The following WWOX variants were observed in gnomAD, a reference collection of about 807,000 sequenced individuals.
The protein encoded by WWOX is WW domain-containing oxidoreductase.
Under a neutral mutation model 46.2 loss-of-function variants are expected in WWOX, and 69 were observed. That is an observed-to-expected ratio of 1.49 (90% confidence interval 1.23 to 1.82). The LOEUF (loss-of-function observed/expected upper bound fraction) is 1.82. WWOX is among the 40% of genes most tolerant of loss of function. The pLI is 0.00. For synonymous variants in WWOX, 359 were observed against 202.6 expected (o/e 1.77, Z -6.56); for missense variants, 919 against 542.6 (o/e 1.69, Z -6.89).
intron 8 of WWOX, among the ~76,000 whole-genome samples, chr16:78,539,364 G>T (rs952131428): frequency 3.3e-5 from 5 of 152,218 alleles, no homozygotes; most frequent in African/African-American, 7.2e-5. Flanking sequence ...CCTGCTAGGG[G>T]CTCTTGTCAT....
intron 5 of WWOX, among the ~76,000 whole-genome samples, chr16:78,377,236 A>G (rs141485642): frequency 2.6e-5 from 4 of 152,356 alleles, no homozygotes; most frequent in African/African-American, 7.2e-5. Context: ...TGATGTATGC[A>G]GTACTTGCAT....
intron 5 of WWOX, among the ~76,000 whole-genome samples, chr16:78,331,029 A>C (rs2080743569): frequency 1.3e-5 from 2 of 152,222 alleles, no homozygotes; most frequent in South Asian, 2.1e-4. Context: ...TAAATTGAGT[A>C]AACCATTCAT....
intron 8 of WWOX, among the ~76,000 whole-genome samples, chr16:78,777,999 C>T (rs553403507): frequency 7.0e-6 from 1 of 143,080 alleles, no homozygotes; most frequent in Admixed American, 7.3e-5. Context: ...GAGCCAAGAT[C>T]GCATCACTGC....
chr16:78,114,089 CTTTT>C (rs759734805), intron 3 of WWOX, among the ~76,000 whole-genome samples: 2 of 104,122 alleles, frequency 1.9e-5, no homozygotes, highest in African/African-American at 7.3e-5. Context: ...CCATATGTGC[CTTTT>C]TTTTTTTTTT....
At chr16:78,354,711 T>TAA (rs2081249938) in intron 5 of WWOX, among the ~76,000 whole-genome samples, 2 of 151,502 alleles carry the variant, frequency 1.3e-5, no homozygotes, top group African/African-American at 2.4e-5. Context: ...GGTAAACTGT[T>TAA]TTGTTTGTCA....
chr16:78,935,558 A>T (rs2151286674), intron 8 of WWOX, among the ~76,000 whole-genome samples: 1 of 149,364 alleles, frequency 6.7e-6, no homozygotes, highest in African/African-American at 2.5e-5. Flanking sequence ...TTGAACAATG[A>T]GAACACTTGG....
chr16:79,002,114 A>T (rs1043309025), intron 8 of WWOX, among the ~76,000 whole-genome samples: 6 of 151,734 alleles, frequency 4.0e-5, no homozygotes, highest in Non-Finnish European at 7.4e-5. Flanking sequence ...CCTGAATCTC[A>T]GCTGGACGAT....
At chr16:78,912,102 C>T (rs896116373) in intron 8 of WWOX, among the ~76,000 whole-genome samples, 6 of 150,488 alleles carry the variant, frequency 4.0e-5, no homozygotes, top group South Asian at 4.2e-4. Flanking sequence ...ACAGGTTTTC[C>T]AGTGTCTCTG....
intron 8 of WWOX, among the ~76,000 whole-genome samples, chr16:78,892,928 G>T (rs1006205173): frequency 2.6e-5 from 4 of 152,158 alleles, no homozygotes; most frequent in African/African-American, 9.7e-5. Context: ...GCAATGAAGG[G>T]TCTTTTCTGT....
At chr16:79,174,718 GAA>G (rs1296367480) in intron 8 of WWOX, among the ~76,000 whole-genome samples, 2 of 152,204 alleles carry the variant, frequency 1.3e-5, no homozygotes, top group African/African-American at 4.8e-5. Flanking sequence ...GAGGTGAAAT[GAA>G]GCCTAGATGG....
intron 8 of WWOX, among the ~76,000 whole-genome samples, chr16:78,590,166 T>TCTCTCTCTC (rs879699302): frequency 7.6e-5 from 3 of 39,310 alleles, no homozygotes; most frequent in African/African-American, 2.8e-4. Flanking sequence ...CTCTCTCTGT[T>TCTCTCTCTC]TATTATAGAT....
chr16:78,099,925 C>A, intron 1 of WWOX, 40 bp downstream of exon 1: 1 of 1,545,502 alleles, frequency 6.5e-7, no homozygotes, highest in African/African-American at 1.4e-5. Context: ...CACCTGGGAC[C>A]CTGCACAGCC....
chr16:78,976,004 T>G (rs759650355), intron 8 of WWOX, among the ~76,000 whole-genome samples: 7 of 152,220 alleles, frequency 4.6e-5, no homozygotes, highest in Non-Finnish European at 1.0e-4. Flanking sequence ...AGTCTTTTTA[T>G]GGAGATGCCA....
chr16:78,444,395 G>A (rs188922421), intron 8 of WWOX, among the ~76,000 whole-genome samples: 3 of 152,256 alleles, frequency 2.0e-5, no homozygotes, highest in East Asian at 1.9e-4. Context: ...ATAAAAAAAG[G>A]AGACTAACAT....
chr16:79,099,439 G>T (rs555554495), intron 8 of WWOX, among the ~76,000 whole-genome samples: 11 of 152,304 alleles, frequency 7.2e-5, no homozygotes, highest in South Asian at 2.1e-4. Context: ...ACTGCAGCGC[G>T]CACACTCTGT....
chr16:78,912,390 A>C (rs2045134738), intron 8 of WWOX, among the ~76,000 whole-genome samples: 1 of 151,862 alleles, frequency 6.6e-6, no homozygotes, highest in Admixed American at 6.6e-5. Context: ...GACAAATCTG[A>C]GGGTCAGAGA....
chr16:78,374,874 C>T (rs527384892), intron 5 of WWOX, among the ~76,000 whole-genome samples: 8 of 151,932 alleles, frequency 5.3e-5, no homozygotes, highest in African/African-American at 1.2e-4. Flanking sequence ...TTAGTAGAGA[C>T]GGGTTTTCAC....
At chr16:78,992,649 G>T (rs530716085) in intron 8 of WWOX, among the ~76,000 whole-genome samples, 5 of 152,150 alleles carry the variant, frequency 3.3e-5, no homozygotes, top group Admixed American at 1.3e-4. Context: ...CTTAATGTCT[G>T]TTGTGGAAGT....
At chr16:78,422,740 T>G (rs1276576945) in intron 6 of WWOX, among the ~76,000 whole-genome samples, 1 of 102,370 alleles carries the variant, frequency 9.8e-6, no homozygotes, top group Non-Finnish European at 1.7e-5. Flanking sequence ...TACACACACA[T>G]ATATATACAC....
Sources: allele counts gnomAD v4.1 joint callset (sites outside exome capture counted in the v4.1 genomes callset), GRCh38; gene constraint gnomAD v4.1.1; transcripts MANE v1.5; gene names NCBI Gene and HGNC (gene_info 2026-07-23, HGNC 2026-07-21).